Variants in NDUFA9 observed in about 807,000 individuals in gnomAD.
NDUFA9 encodes the protein NADH dehydrogenase [ubiquinone] 1 alpha subcomplex subunit 9, mitochondrial.
Under a neutral mutation model 45.9 loss-of-function variants are expected in NDUFA9, and 23 were observed. That is an observed-to-expected ratio of 0.50 (90% confidence interval 0.36 to 0.71). NDUFA9 has a LOEUF of 0.71. Among genes scored for constraint, NDUFA9 ranks in the 30% least tolerant of loss-of-function variants. The probability of loss-of-function intolerance (pLI) is 0.00; values close to 1 mark genes in which losing one functional copy is unlikely to be tolerated. For missense variants in NDUFA9, 466 were observed against 488.2 expected, an observed-to-expected ratio of 0.95 and a Z score of 0.43; for synonymous variants, 176 against 170.5, an observed-to-expected ratio of 1.03 and a Z score of -0.25.
chr12:4,661,928 A>G (rs980871391), intron 5 of NDUFA9, among the ~76,000 whole-genome samples: 1 of 152,164 alleles, frequency 6.6e-6, no homozygotes, highest in African/African-American at 2.4e-5. Flanking sequence ...TGAGCAGCTC[A>G]AGAACCTGAG....
chr12:4,650,240 C>A (rs901799203), intron 1 of NDUFA9, among the ~76,000 whole-genome samples: 5 of 151,788 alleles, frequency 3.3e-5, no homozygotes, highest in African/African-American at 1.2e-4. Context: ...TTTAGAGGAT[C>A]CTTTTTTTTT....
intron 9 of NDUFA9, among the ~76,000 whole-genome samples, chr12:4,683,230 G>C (rs950044463): frequency 2.6e-5 from 4 of 151,476 alleles, no homozygotes; most frequent in Non-Finnish European, 4.4e-5. Flanking sequence ...TGAGGTAACT[G>C]TTGATGGGAG....
rs368824479 is a variant in NDUFA9 at position 4,654,447 on chromosome 12, G to C, written c.205G>C (p.Val69Leu). The change falls in exon 2 of 11, where the codon GTT becomes CTT. Residue 69 changes from valine (V) to leucine (L), a missense_variant. Coordinates refer to ENST00000266544, the MANE Select transcript of NDUFA9 (RefSeq NM_005002.5). ...AGCAACAGGATTCCTGGGGCGATAT[G>C]TTGTCAACCACCTTGGTAAGTAAAG... ...FGATGFLGRY[V>L]VNHLGRMGSQ... The C allele has an allele frequency of 1.9e-6, 3 of 1,614,108 alleles. No individual in the cohort carries two copies. The highest frequency in any genetic ancestry group is 2.5e-6 in the Non-Finnish European group (3 of 1,179,976).
In NDUFA9 at chr12:4,671,157, A is replaced by G. The variant is rs1000896596; in HGVS notation, c.800+1340A>G. The stretch of plus-strand genomic sequence containing the variant: ...TTTGAGGCTAAGGCAGTGGCATAAG[A>G]CTATAATTTTCCTCCTAGGTTTTTT... On this transcript the variant is annotated intron_variant, in intron 8 of 10. Coordinates refer to ENST00000266544, the MANE Select transcript of NDUFA9 (RefSeq NM_005002.5). Among the ~76,000 whole-genome samples, 3 of 152,316 alleles carry G rather than the reference A, an allele frequency of 2.0e-5. No homozygotes were observed. The East Asian group carries it at 5.8e-4, about 29-fold the overall frequency.
chr12:4,662,737 T>C (rs569362628), intron 6 of NDUFA9, 102 bp downstream of exon 6: 85 of 910,754 alleles, frequency 9.3e-5, no homozygotes, highest in Middle Eastern at 4.6e-4. Context: ...AAGGATATAT[T>C]TTTTCTTTCC....
intron 5 of NDUFA9, among the ~76,000 whole-genome samples, chr12:4,659,402 C>G (rs986882499): frequency 6.6e-6 from 1 of 152,142 alleles, no homozygotes; most frequent in East Asian, 1.9e-4. Flanking sequence ...TTGGCTAGAC[C>G]ATGTTACTGT....
At chr12:4,666,262 GT>G (rs1384825067) in intron 6 of NDUFA9, among the ~76,000 whole-genome samples, 1 of 152,036 alleles carries the variant, frequency 6.6e-6, no homozygotes, top group South Asian at 2.1e-4. Context: ...AGTTGTAGGA[GT>G]TTTTTTATTT....
intron 2 of NDUFA9, 33 bp downstream of exon 2, chr12:4,654,495 T>C: frequency 6.2e-7 from 1 of 1,608,488 alleles, no homozygotes; most frequent in Non-Finnish European, 8.5e-7. Context: ...ATATGCTCCA[T>C]TGCCATTGAT....
chr12:4,662,913 T>A (rs1207764193), intron 6 of NDUFA9, among the ~76,000 whole-genome samples: 2 of 152,222 alleles, frequency 1.3e-5, no homozygotes, highest in African/African-American at 2.4e-5. Flanking sequence ...TTGGCAAATA[T>A]TCGAATATCA....
Position 4,692,114 on chromosome 12 carries a change from G to A in NDUFA9, c.*5006G>A, listed in dbSNP as rs1946021577. The A allele has an allele frequency of 6.6e-6, 1 of 152,308 alleles. No individual in the cohort carries two copies. The highest frequency in any genetic ancestry group is 1.5e-5 in the Non-Finnish European group (1 of 68,036). 9.4% of individuals were successfully genotyped at this position (152,308 alleles called of 1,614,324 possible). A position where few individuals can be genotyped will look rare whatever the true frequency, so the allele number is the denominator to read the frequency against. On this transcript the variant is annotated 3_prime_UTR_variant, in exon 11 of 11. Transcript: ENST00000266544. ...AATAATTTATAATTTTAAGTTTTCT[G>A]ATGCTCTAAGGGAAGTCAGGTGCCT...
chr12:4,663,859 G>C (rs752180874), intron 6 of NDUFA9, among the ~76,000 whole-genome samples: 11 of 152,138 alleles, frequency 7.2e-5, no homozygotes, highest in Non-Finnish European at 1.3e-4. Context: ...TAGAAATATG[G>C]ACGTTAAGGG....
At chr12:4,653,703 TTC>T in intron 1 of NDUFA9, 1 of 388,238 alleles carries the variant, frequency 2.6e-6, no homozygotes, top group South Asian at 2.0e-5. Flanking sequence ...TTGAACTGCA[TTC>T]TTTTTTTTTT....
chr12:4,659,258 G>C, intron 5 of NDUFA9, 81 bp downstream of exon 5: 1 of 1,278,016 alleles, frequency 7.8e-7, no homozygotes, highest in East Asian at 2.3e-5. Flanking sequence ...CAGTGAGAAG[G>C]GTTTATCACA....
At chr12:4,650,791 T>G (rs1385235998) in intron 1 of NDUFA9, among the ~76,000 whole-genome samples, 1 of 152,200 alleles carries the variant, frequency 6.6e-6, no homozygotes, top group Non-Finnish European at 1.5e-5. Flanking sequence ...TGGAAAGTCC[T>G]CTGGCAAAGA....
At chr12:4,677,819 G>A (rs1485566062) in intron 8 of NDUFA9, among the ~76,000 whole-genome samples, 1 of 152,120 alleles carries the variant, frequency 6.6e-6, no homozygotes, top group Non-Finnish European at 1.5e-5. Flanking sequence ...AATTATTCTA[G>A]TATAAAGCCA....
At chr12:4,649,245 C>A (rs750099958) in intron 1 of NDUFA9, 70 bp downstream of exon 1, 12 of 1,522,114 alleles carry the variant, frequency 7.9e-6, no homozygotes, top group Non-Finnish European at 1.1e-5. Context: ...TTGGAAGTGG[C>A]ACCGTGCTGC....
chr12:4,658,899 T>A, intron 4 of NDUFA9, 137 bp from the exon 5 acceptor site: 1 of 954,312 alleles, frequency 1.0e-6, no homozygotes, highest in Non-Finnish European at 1.5e-6. Context: ...CAAATTTAGC[T>A]TTAAGTTAAA....
At chr12:4,665,571 G>C (rs1945848168) in intron 6 of NDUFA9, among the ~76,000 whole-genome samples, 1 of 152,142 alleles carries the variant, frequency 6.6e-6, no homozygotes, top group South Asian at 2.1e-4. Context: ...CCTGATTTCA[G>C]TTATTTGGTG....
chr12:4,686,715 G>T (rs1388641969), intron 10 of NDUFA9, among the ~76,000 whole-genome samples: 1 of 152,118 alleles, frequency 6.6e-6, no homozygotes, highest in Admixed American at 6.5e-5. Flanking sequence ...TGGGGACCTC[G>T]ATCTGATACT....
Sources: allele counts gnomAD v4.1 joint callset (sites outside exome capture counted in the v4.1 genomes callset), GRCh38; gene constraint gnomAD v4.1.1; transcripts MANE v1.5; gene names NCBI Gene and HGNC (gene_info 2026-07-23, HGNC 2026-07-21).